Variants in ASTN2 observed in about 807,000 individuals in gnomAD.
ASTN2 encodes astrotactin-2.
ASTN2 carries 54 observed loss-of-function variants against 139.8 expected under a neutral mutation model. The observed-to-expected ratio is 0.39, with a 90% CI of 0.31 to 0.48. The LOEUF (loss-of-function observed/expected upper bound fraction) is 0.48. Ranked by LOEUF, ASTN2 falls within the 20% of genes least tolerant of loss-of-function variation. The pLI is 0.95. For missense variants in ASTN2, 1,565 were observed against 1,725.1 expected (o/e 0.91, Z 1.64); for synonymous variants, 756 against 719.5 (o/e 1.05, Z -0.81).
In ASTN2 at chr9:116,984,641, G is replaced by C. The variant is rs1341806221; in HGVS notation, c.1592-7856C>G. Reference sequence around the variant, plus strand: ...ATGAAGGAGAGACTAAAGTAAGAGGGAGAGGAGAAAAGGGAAAATTAAGTG... The same window carrying C: ...ATGAAGGAGAGACTAAAGTAAGAGGCAGAGGAGAAAAGGGAAAATTAAGTG... On this transcript the variant is annotated intron_variant, in intron 7 of 22. Coordinates refer to ENST00000313400, the MANE Select transcript of ASTN2 (RefSeq NM_001365068.1). 2.0e-5 allele frequency among the ~76,000 whole-genome samples: 3 copies of C among 152,200 alleles called. No homozygotes were observed. The East Asian group carries it at 5.8e-4, about 29-fold the overall frequency.
chr9:117,092,299 C>G (rs911438740), intron 5 of ASTN2, among the ~76,000 whole-genome samples: 1 of 151,956 alleles, frequency 6.6e-6, no homozygotes, highest in Non-Finnish European at 1.5e-5. Flanking sequence ...CTGAAACAGT[C>G]TGAACTGCAG....
chr9:116,976,170 T>A lies in ASTN2; in HGVS notation c.1695A>T (p.Thr565=), dbSNP rs1457202511. ...TCACCAGATCATAGCCCCTCTCAAGTGTCGTGTAGGGCCAAGGTCTATGGG... is the reference window on the plus strand; with the variant it reads ...TCACCAGATCATAGCCCCTCTCAAGAGTCGTGTAGGGCCAAGGTCTATGGG... ...GQSEGPWPYT[T]LERGYDLVTG... The change falls in exon 9 of 23, where the codon ACA becomes ACT. Residue 565 remains threonine, a synonymous_variant. Transcript: ENST00000313400. The A allele has an allele frequency of 1.2e-6, 2 of 1,614,046 alleles. No individual in the cohort carries two copies. Among genetic ancestry groups the A allele is most frequent in the Admixed American group, 3.3e-5 (2 of 59,992 alleles).
chr9:117,183,092 C>T (rs1276133222), intron 3 of ASTN2, among the ~76,000 whole-genome samples: 1 of 152,216 alleles, frequency 6.6e-6, no homozygotes, highest in African/African-American at 2.4e-5. Flanking sequence ...GGTCAAGTAT[C>T]CCCTTTCTTC....
At position 116,424,646 on chromosome 9, in the gene ASTN2, C is replaced by T. The variant is rs1417869026; in HGVS notation, c.*1205G>A. ...AGGCTGGAGTCCAGTGGCTCCATGT[C>T]AGTTCACTGCAAACTCTGCCTCCCA... On this transcript the variant is annotated 3_prime_UTR_variant, in exon 23 of 23. Coordinates refer to ENST00000313400, the MANE Select transcript of ASTN2 (RefSeq NM_001365068.1). Among the ~76,000 whole-genome samples, 1 of 148,664 alleles carries T rather than the reference C, an allele frequency of 6.7e-6. No individual in the cohort carries two copies. Among genetic ancestry groups the T allele is most frequent in the Non-Finnish European group, 1.5e-5 (1 of 67,670 alleles).
intron 19 of ASTN2, chr9:116,504,456 A>G (rs1343358967): frequency 6.6e-6 from 1 of 152,208 alleles, no homozygotes; most frequent in African/African-American, 2.4e-5. Context: ...TACTTAAAGG[A>G]CATTGAGATA....
In ASTN2 at chr9:116,439,262, G is replaced by A. The variant is rs547891231; in HGVS notation, c.3782+1347C>T. Among the ~76,000 whole-genome samples the A allele has an allele frequency of 2.0e-3, 256 of 125,702 alleles. 15 individuals are homozygous for A. The highest frequency in any genetic ancestry group is 1.6e-3 in the Admixed American group (19 of 12,180). The allele number at this position is 125,702 out of a possible 152,430, so 82.5% of individuals were successfully genotyped here. A position where few individuals can be genotyped will look rare whatever the true frequency, so the allele number is the denominator to read the frequency against. Reference sequence around the variant, plus strand: ...GTCGCCCAGGCTGGAGTGCAGTGGCGGGATCTCGGCTCACTGCAAGCTCCG... The same window carrying A: ...GTCGCCCAGGCTGGAGTGCAGTGGCAGGATCTCGGCTCACTGCAAGCTCCG... On this transcript the variant is annotated intron_variant, in intron 22 of 22. Coordinates refer to ENST00000313400, the MANE Select transcript of ASTN2 (RefSeq NM_001365068.1).
At chr9:116,481,840 G>T (rs1269342311) in intron 20 of ASTN2, among the ~76,000 whole-genome samples, 1 of 152,176 alleles carries the variant, frequency 6.6e-6, no homozygotes, top group East Asian at 1.9e-4. Context: ...CAGTTAGGAA[G>T]TTCTCTTCCA....
chr9:116,593,771 C>T (rs951206599), intron 19 of ASTN2, among the ~76,000 whole-genome samples: 1 of 152,220 alleles, frequency 6.6e-6, no homozygotes, highest in Non-Finnish European at 1.5e-5. Context: ...AGACACCTTT[C>T]ATTTCCATCT....
chr9:117,376,070 C>T (rs1047094177), intron 1 of ASTN2, among the ~76,000 whole-genome samples: 3 of 152,112 alleles, frequency 2.0e-5, no homozygotes, highest in Admixed American at 6.6e-5. Flanking sequence ...AGATCTTTAA[C>T]CTAATCACAT....
chr9:116,910,409 C>A (rs1834279064), intron 10 of ASTN2, among the ~76,000 whole-genome samples: 1 of 152,182 alleles, frequency 6.6e-6, no homozygotes, highest in Non-Finnish European at 1.5e-5. Context: ...CCACTAGGTG[C>A]CAGTAGCACC....
chr9:116,991,544 C>T (rs1361399680), intron 7 of ASTN2, among the ~76,000 whole-genome samples: 3 of 150,246 alleles, frequency 2.0e-5, no homozygotes, highest in South Asian at 4.2e-4. Context: ...CGATAATAAT[C>T]GTCACAATAA....
At chr9:117,026,754 G>T (rs10759889) in intron 6 of ASTN2, among the ~76,000 whole-genome samples, 33,550 of 152,014 alleles carry the variant, frequency 0.22, 4,316 homozygotes, top group Non-Finnish European at 0.28. Context: ...GTGTACTGGG[G>T]ATTACAAAGG....
At chr9:116,862,573 CAG>C (rs1832910375) in intron 11 of ASTN2, among the ~76,000 whole-genome samples, 1 of 152,040 alleles carries the variant, frequency 6.6e-6, no homozygotes, top group African/African-American at 2.4e-5. Flanking sequence ...TCTTTCTAGG[CAG>C]AGAGAAGGTA....
intron 10 of ASTN2, among the ~76,000 whole-genome samples, chr9:116,971,869 A>G (rs1360335994): frequency 1.3e-5 from 2 of 152,218 alleles, no homozygotes; most frequent in East Asian, 3.8e-4. Flanking sequence ...CATTATTCTG[A>G]AGGGGAAACC....
intron 1 of ASTN2, among the ~76,000 whole-genome samples, chr9:117,386,257 A>G (rs1433752289): frequency 6.6e-6 from 1 of 152,192 alleles, no homozygotes; most frequent in African/African-American, 2.4e-5. Flanking sequence ...AAAGAAGACT[A>G]TATCTTTATG....
At chr9:116,998,755 T>C (rs1837096310) in intron 7 of ASTN2, among the ~76,000 whole-genome samples, 1 of 152,164 alleles carries the variant, frequency 6.6e-6, no homozygotes, top group African/African-American at 2.4e-5. Context: ...TATAAACAAA[T>C]ATCAGCATAT....
rs553835301 is a variant in ASTN2 at position 117,259,322 on chromosome 9, C to T, written c.630+32004G>A. On this transcript the variant is annotated intron_variant, in intron 2 of 22. Coordinates refer to ENST00000313400, the MANE Select transcript of ASTN2 (RefSeq NM_001365068.1). ...TAAGCCAAAAATAAAATTCTAAGGC[C>T]CCCCTCAACCATCTGAATGGACCCC... Among the ~76,000 whole-genome samples, 213 of 152,160 alleles carry T rather than the reference C, an allele frequency of 1.4e-3. 2 individuals carry two copies. The highest frequency in any genetic ancestry group is 8.3e-3 in the South Asian group (40 of 4,818).
At chr9:117,038,865 G>T (rs1040714110) in intron 6 of ASTN2, among the ~76,000 whole-genome samples, 1 of 152,160 alleles carries the variant, frequency 6.6e-6, no homozygotes, top group Non-Finnish European at 1.5e-5. Context: ...ACCATGCTTT[G>T]CTAATGACTA....
At chr9:116,745,145 A>G (rs1444733935) in intron 13 of ASTN2, among the ~76,000 whole-genome samples, 1 of 152,228 alleles carries the variant, frequency 6.6e-6, no homozygotes, top group Non-Finnish European at 1.5e-5. Flanking sequence ...ACCATTTGAT[A>G]GGAAAAGAAG....
Sources: allele counts gnomAD v4.1 joint callset (sites outside exome capture counted in the v4.1 genomes callset), GRCh38; gene constraint gnomAD v4.1.1; transcripts MANE v1.5; gene names NCBI Gene and HGNC (gene_info 2026-07-23, HGNC 2026-07-21).